Variants in CHST6 observed in about 807,000 individuals in gnomAD.
CHST6 encodes N-acetylglucosamine 6-O-sulfotransferase 5.
For missense variants in CHST6, 698 were observed against 586.2 expected, an observed-to-expected ratio of 1.19 and a Z score of -1.97; for synonymous variants, 309 against 276.4, an observed-to-expected ratio of 1.12 and a Z score of -1.17.
intron 1 of CHST6, among the ~76,000 whole-genome samples, chr16:75,483,062 C>G (rs866676668): frequency 1.9e-4 from 29 of 152,372 alleles, no homozygotes; most frequent in Middle Eastern, 3.4e-3. Flanking sequence ...CTAGGTGCTT[C>G]AAGTCCACGC....
intron 1 of CHST6, among the ~76,000 whole-genome samples, chr16:75,483,254 A>C (rs2080162271): frequency 6.6e-6 from 1 of 152,212 alleles, no homozygotes. Flanking sequence ...TGCAGAGTGC[A>C]GGACCCTGCT....
In CHST6 at chr16:75,481,909, C is replaced by T. The variant is rs1034116607; in HGVS notation, c.-91-18G>A. ...CTCAGCACCTGGTAAAGCAGGAGGG[C>T]GATGGAGTCACACTCTACAGGGGAA... On this transcript the variant is annotated intron_variant, in intron 1 of 2. Transcript: ENST00000332272. 6.4e-6 allele frequency: 3 copies of T among 467,310 alleles called. No individual in the cohort carries two copies. The highest frequency in any genetic ancestry group is 4.7e-5 in the Admixed American group (2 of 42,416). 28.9% of individuals were successfully genotyped at this position (467,310 alleles called of 1,614,324 possible).
intron 1 of CHST6, among the ~76,000 whole-genome samples, chr16:75,484,373 T>C (rs1420786898): frequency 1.3e-5 from 2 of 151,798 alleles, no homozygotes; most frequent in Admixed American, 6.6e-5. Flanking sequence ...CAAACATACA[T>C]AAATACATCG....
chr16:75,478,608 C>A lies in CHST6; in HGVS notation c.*33G>T, dbSNP rs376468061. On this transcript the variant is annotated 3_prime_UTR_variant, in exon 3 of 3. Coordinates refer to ENST00000332272, the MANE Select transcript of CHST6 (RefSeq NM_021615.5). Reference sequence around the variant, plus strand: ...CCCTCTGCACCATGCACTCTCCTCCCGGGCCTAGCGCCTGCTACAACTGTG... The same window carrying A: ...CCCTCTGCACCATGCACTCTCCTCCAGGGCCTAGCGCCTGCTACAACTGTG... 1 of 1,608,358 alleles carries A rather than the reference C, an allele frequency of 6.2e-7. No homozygotes were observed. The highest frequency in any genetic ancestry group is 1.7e-5 in the Admixed American group (1 of 60,002).
chr16:75,484,781 T>C (rs1053349838), intron 1 of CHST6, among the ~76,000 whole-genome samples: 3 of 151,024 alleles, frequency 2.0e-5, no homozygotes, highest in African/African-American at 7.3e-5. Flanking sequence ...GAGATGGAGG[T>C]TGCAGTGAGC....
At chr16:75,487,806 TAAAAA>T (rs771817845) in intron 1 of CHST6, among the ~76,000 whole-genome samples, 1 of 56,202 alleles carries the variant, frequency 1.8e-5, no homozygotes, top group African/African-American at 6.7e-5. Flanking sequence ...CCGTCCCCCC[TAAAAA>T]AAAAAAAAAA....
intron 1 of CHST6, among the ~76,000 whole-genome samples, chr16:75,487,822 A>AG (rs2151671306): frequency 6.7e-6 from 1 of 150,208 alleles, no homozygotes; most frequent in East Asian, 1.9e-4. Context: ...AAAAAAAAAA[A>AG]AAAAAAAGAG....
intron 2 of CHST6, 143 bp from the exon 3 acceptor site, chr16:75,479,987 G>A (rs1246272183): frequency 4.2e-6 from 3 of 706,706 alleles, no homozygotes; most frequent in Non-Finnish European, 7.0e-6. Flanking sequence ...GAGCTCTCCC[G>A]GAAATGTGGC....
In CHST6 at chr16:75,476,989, C is replaced by T. The variant is rs1178270623; in HGVS notation, c.*1652G>A. The stretch of plus-strand genomic sequence containing the variant: ...GAATGCCTGACCTCAGGTGATTCAT[C>T]CCCCTCGGCCTCCCACAGTGCTGGG... On this transcript the variant is annotated 3_prime_UTR_variant, in exon 3 of 3. Coordinates refer to ENST00000332272, the MANE Select transcript of CHST6 (RefSeq NM_021615.5). 2 of 152,132 alleles carry T rather than the reference C, an allele frequency of 1.3e-5. No individual in the cohort carries two copies. The highest frequency in any genetic ancestry group is 2.9e-5 in the Non-Finnish European group (2 of 68,034). The allele number at this position is 152,132 out of a possible 1,614,324, so 9.4% of individuals were successfully genotyped here.
At position 75,474,772 on chromosome 16, in the gene CHST6, C is replaced by A. The variant is rs2080049683; in HGVS notation, c.*3869G>T. The stretch of plus-strand genomic sequence containing the variant: ...TCCTTCATTTAAAAGGCACCACTCT[C>A]AGGATAACCAACTCACTCCTGAAAT... On this transcript the variant is annotated 3_prime_UTR_variant, in exon 3 of 3. Transcript: ENST00000332272. 2.5e-6 allele frequency: 1 copy of A among 398,240 alleles called. No individual in the cohort carries two copies. The highest frequency in any genetic ancestry group is 1.3e-4 in the South Asian group (1 of 7,804). 24.7% of individuals were successfully genotyped at this position (398,240 alleles called of 1,614,324 possible). A position where few individuals can be genotyped will look rare whatever the true frequency, so the allele number is the denominator to read the frequency against.
intron 1 of CHST6, among the ~76,000 whole-genome samples, chr16:75,494,324 G>T (rs537791650): frequency 6.6e-6 from 1 of 152,234 alleles, no homozygotes; most frequent in South Asian, 2.1e-4. Flanking sequence ...CCAGCTCCCG[G>T]AGCAGCATAG....
rs1398648632 is a variant in CHST6, at chr16:75,474,477, T to G, written c.*4164A>C. On this transcript the variant is annotated 3_prime_UTR_variant, in exon 3 of 3. Coordinates refer to ENST00000332272, the MANE Select transcript of CHST6 (RefSeq NM_021615.5). ...ACTTTGTAGAGATGGGGTCTCACTA[T>G]GTTGCCCAGGCTGGTCTTGAGTGCC... The G allele has an allele frequency of 2.5e-6, 1 of 396,194 alleles. No individual in the cohort carries two copies. The highest frequency in any genetic ancestry group is 4.4e-5 in the Admixed American group (1 of 22,668). 24.5% of individuals were successfully genotyped at this position (396,194 alleles called of 1,614,324 possible). A position where few individuals can be genotyped will look rare whatever the true frequency, so the allele number is the denominator to read the frequency against.
At chr16:75,485,622 G>A (rs2080188066) in intron 1 of CHST6, among the ~76,000 whole-genome samples, 1 of 152,136 alleles carries the variant, frequency 6.6e-6, no homozygotes, top group Non-Finnish European at 1.5e-5. Context: ...TATTAGAAAC[G>A]TTGAAAGAAA....
chr16:75,482,572 T>C (rs1181874872), intron 1 of CHST6, among the ~76,000 whole-genome samples: 4 of 152,080 alleles, frequency 2.6e-5, no homozygotes. Context: ...GTCACACATG[T>C]CTCACAGGGT....
chr16:75,478,662 G>T lies in CHST6; in HGVS notation c.1167C>A (p.Thr389=). The T allele has an allele frequency of 1.2e-6, 2 of 1,613,660 alleles. No homozygotes were observed. The highest frequency in any genetic ancestry group is 1.7e-6 in the Non-Finnish European group (2 of 1,179,966). Residue 389 remains threonine, a synonymous_variant, in exon 3 of 3, where the codon ACC becomes ACA. Coordinates refer to ENST00000332272, the MANE Select transcript of CHST6 (RefSeq NM_021615.5). ...GLNGFTWASS[T]ASHPRN ...TCCACTAATTTCGGGGGTGCGAGGC[G>T]GTGGATGATGCCCAAGTGAAGCCGT...
Position 75,479,038 on chromosome 16 carries a change from A to G in CHST6, c.791T>C (p.Leu264Pro), listed in dbSNP as rs149900444. Residue 264 changes from leucine (L) to proline (P), a missense_variant, in exon 3 of 3, where the codon CTG becomes CCG. Coordinates refer to ENST00000332272, the MANE Select transcript of CHST6 (RefSeq NM_021615.5). ...GCGCACCAGGCGGTAGCGGCCGCGC[A>G]GAAAGGGTGGCGGCTTGAGTGTGGC... ...EAATLKPPPF[L>P]RGRYRLVRFE... 1.2e-6 allele frequency: 2 copies of G among 1,609,238 alleles called. No homozygotes were observed. Among genetic ancestry groups the G allele is most frequent in the Non-Finnish European group, 1.7e-6 (2 of 1,179,768 alleles).
intron 1 of CHST6, among the ~76,000 whole-genome samples, chr16:75,484,822 C>T (rs1271557780): frequency 6.6e-6 from 1 of 151,508 alleles, no homozygotes; most frequent in African/African-American, 2.4e-5. Context: ...CCAGCCTGGG[C>T]GACAGAGCGA....
At chr16:75,485,453 T>A (rs2080185672) in intron 1 of CHST6, among the ~76,000 whole-genome samples, 1 of 152,128 alleles carries the variant, frequency 6.6e-6, no homozygotes, top group Non-Finnish European at 1.5e-5. Flanking sequence ...CAACAGAGTG[T>A]GACCCTCTTT....
chr16:75,491,190 A>AAATATATATATATATAT (rs1206595857), intron 1 of CHST6, among the ~76,000 whole-genome samples: 1 of 50,078 alleles, frequency 2.0e-5, no homozygotes, highest in Non-Finnish European at 3.0e-5. Context: ...AAAAAAAAAA[A>AAATATATATATATATAT]ATATATATAT....
Sources: gnomAD v4.1 joint callset for allele counts (sites outside exome capture counted in the v4.1 genomes callset) on GRCh38, gnomAD v4.1.1 for gene constraint, MANE v1.5 for transcripts, NCBI Gene and HGNC (gene_info 2026-07-23, HGNC 2026-07-21) for gene names.